Variants in JADE3 observed in about 807,000 individuals in gnomAD.
The protein encoded by JADE3 is protein Jade-3.
JADE3 carries 2 observed loss-of-function variants against 50.1 expected under a neutral mutation model. The observed-to-expected ratio is 0.04, with a 90% CI of 0.02 to 0.13. The LOEUF is 0.13. Among genes scored for constraint, JADE3 ranks in the 10% least tolerant of loss-of-function variants. JADE3 has a pLI of 1.00. For missense variants in JADE3, 475 were observed against 634.4 expected, an observed-to-expected ratio of 0.75 and a Z score of 2.70; for synonymous variants, 218 against 232.9, an observed-to-expected ratio of 0.94 and a Z score of 0.58.
chrX:47,018,625 C>T (rs782043096), intron 4 of JADE3, among the ~76,000 whole-genome samples: 3 of 112,382 alleles, frequency 2.7e-5, no homozygotes, highest in South Asian at 7.5e-4. Flanking sequence ...TGAGCCGCCG[C>T]GCCCGGCCCA....
At chrX:46,933,811 C>T (rs1003798359) in intron 1 of JADE3, among the ~76,000 whole-genome samples, 5 of 111,039 alleles carry the variant, frequency 4.5e-5, no homozygotes, top group Non-Finnish European at 9.4e-5. Flanking sequence ...ATTAGCTCGG[C>T]CAGCTTCTGC....
chrX:46,937,142 GA>G (rs1926642907), intron 1 of JADE3, among the ~76,000 whole-genome samples: 1 of 111,354 alleles, frequency 9.0e-6, no homozygotes, highest in African/African-American at 3.3e-5. Context: ...TGGTTTTCTT[GA>G]GTTCAAAATA....
intron 1 of JADE3, among the ~76,000 whole-genome samples, chrX:46,971,225 C>G (rs1432648669): frequency 9.6e-6 from 1 of 104,496 alleles, no homozygotes; most frequent in Non-Finnish European, 2.0e-5. Context: ...AAGCAATTCT[C>G]CAGCCTCAGC....
chrX:46,932,346 A>C (rs1055130027), intron 1 of JADE3, among the ~76,000 whole-genome samples: 2 of 111,745 alleles, frequency 1.8e-5, no homozygotes, highest in East Asian at 5.6e-4. Flanking sequence ...GAGATGTAAA[A>C]TTTTCTGTTT....
At chrX:47,006,064 C>T (rs1928409573) in intron 4 of JADE3, among the ~76,000 whole-genome samples, 2 of 111,739 alleles carry the variant, frequency 1.8e-5, no homozygotes, top group Admixed American at 1.9e-4. Flanking sequence ...TGACCAAAGA[C>T]AGATGCCGAC....
chrX:46,948,905 C>T (rs1926940070), intron 1 of JADE3, among the ~76,000 whole-genome samples: 1 of 110,353 alleles, frequency 9.1e-6, no homozygotes, highest in African/African-American at 3.3e-5. Context: ...ATGGACAATA[C>T]ACATACACAA....
chrX:46,929,273 T>TA (rs1368843893), intron 1 of JADE3, among the ~76,000 whole-genome samples: 1 of 112,631 alleles, frequency 8.9e-6, no homozygotes, highest in Non-Finnish European at 1.9e-5. Flanking sequence ...GTGATAAGCC[T>TA]AAATTTAGCT....
chrX:47,011,299 C>T (rs782507366), intron 4 of JADE3, among the ~76,000 whole-genome samples: 5 of 112,075 alleles, frequency 4.5e-5, no homozygotes, highest in African/African-American at 1.6e-4. Flanking sequence ...GAAGTTCATC[C>T]GTGTTATATG....
At position 47,033,670 on chromosome X, in the gene JADE3, C is replaced by G. The variant is rs1299325852; in HGVS notation, c.737C>G (p.Ser246Cys). 1 of 1,206,517 alleles carries G rather than the reference C, an allele frequency of 8.3e-7. No homozygotes were observed. The highest frequency in any genetic ancestry group is 1.1e-6 in the Non-Finnish European group (1 of 893,648). ...CCAGAAGGCAGCTGGCTGTGTCGCT[C>G]CTGTGTCCTGGGCATTTATCCGCAA... ...KVPEGSWLCR[S>C]CVLGIYPQCV... is the part of the protein sequence containing the mutation. The change falls in exon 7 of 11, where the codon TCC (serine) becomes TGC (cysteine). Residue 246 changes from serine to cysteine, a missense_variant. Ser to Cys is a moderately radical substitution (Grantham distance 112, BLOSUM62 -1). Around this residue, in one of 6 missense-constraint regions of JADE3, gnomAD observed 54 missense variants for 156.2 expected, o/e 0.35. Coordinates refer to ENST00000614628, the MANE Select transcript of JADE3 (RefSeq NM_014735.5).
At chrX:46,944,797 G>A (rs1044219808) in intron 1 of JADE3, among the ~76,000 whole-genome samples, 2 of 110,913 alleles carry the variant, frequency 1.8e-5, no homozygotes, top group Admixed American at 1.9e-4. Flanking sequence ...TTAGGTGACA[G>A]AAAAACAAAT....
intron 1 of JADE3, among the ~76,000 whole-genome samples, chrX:46,983,182 T>C (rs1295172708): frequency 8.9e-6 from 1 of 112,206 alleles, no homozygotes; most frequent in Non-Finnish European, 1.9e-5. Flanking sequence ...CTTGAACTTC[T>C]GTACACTCAG....
chrX:46,950,094 A>G (rs1926970946), intron 1 of JADE3, among the ~76,000 whole-genome samples: 1 of 112,391 alleles, frequency 8.9e-6, no homozygotes, highest in Non-Finnish European at 1.9e-5. Context: ...TCAAAAGTTT[A>G]CATACTGTAT....
At chrX:47,009,866 T>G (rs1928517966) in intron 4 of JADE3, among the ~76,000 whole-genome samples, 1 of 108,259 alleles carries the variant, frequency 9.2e-6, no homozygotes, top group Non-Finnish European at 1.9e-5. Context: ...CTCAAGCAAT[T>G]CTCCCACCTC....
At chrX:46,997,103 C>G (rs1928147597) in intron 3 of JADE3, among the ~76,000 whole-genome samples, 1 of 111,917 alleles carries the variant, frequency 8.9e-6, no homozygotes, top group Admixed American at 9.5e-5. Context: ...GATGTTGACA[C>G]ATACTTTCCA....
chrX:46,951,585 CA>C (rs1157479710), intron 1 of JADE3, among the ~76,000 whole-genome samples: 881 of 73,099 alleles, frequency 0.012, 14 homozygotes, highest in East Asian at 0.03. Flanking sequence ...GACTCCGTCT[CA>C]AAAAAAAAAA....
chrX:46,972,315 C>T (rs1927515992), intron 1 of JADE3, among the ~76,000 whole-genome samples: 1 of 110,537 alleles, frequency 9.0e-6, no homozygotes, highest in African/African-American at 3.3e-5. Flanking sequence ...CATGCCTCAG[C>T]TTCCTGAATA....
At chrX:47,028,173 C>T (rs1313226463) in intron 6 of JADE3, 70 bp downstream of exon 6, 10 of 729,001 alleles carry the variant, frequency 1.4e-5, no homozygotes, top group East Asian at 9.9e-5. Flanking sequence ...ATCTCCAGCA[C>T]GCATATCTGG....
chrX:47,019,248 G>A (rs942264309), intron 4 of JADE3, among the ~76,000 whole-genome samples: 1 of 111,852 alleles, frequency 8.9e-6, no homozygotes, highest in Admixed American at 9.4e-5. Flanking sequence ...ACCATCTGTC[G>A]CAGGGGTTAT....
intron 1 of JADE3, among the ~76,000 whole-genome samples, chrX:46,975,042 A>C (rs1476686507): frequency 8.5e-5 from 1 of 11,733 alleles, no homozygotes; most frequent in Non-Finnish European, 2.0e-4. Context: ...GATATTGCCA[A>C]ATGTCCCCTG....
Sources: allele counts gnomAD v4.1 joint callset (sites outside exome capture counted in the v4.1 genomes callset), GRCh38; gene constraint gnomAD v4.1.1; regional missense constraint gnomAD v4.1.1; transcripts MANE v1.5; gene names NCBI Gene and HGNC (gene_info 2026-07-23, HGNC 2026-07-21).